ZNF761: variants seen among roughly 807,000 people sequenced by gnomAD.
The protein encoded by ZNF761 is zinc finger protein 761.
In ZNF761, 43 loss-of-function variants were observed where a neutral mutation model predicts 59.9. That is an observed-to-expected ratio of 0.72 (90% CI 0.56 to 0.92). The LOEUF (loss-of-function observed/expected upper bound fraction) is 0.92, where lower values mean the gene tolerates loss of function less well. ZNF761 is among the 40% of genes least tolerant of loss of function. ZNF761 has a pLI of 0.00. For synonymous variants in ZNF761, 294 were observed against 304.8 expected, an observed-to-expected ratio of 0.96 and a Z score of 0.37; for missense variants, 850 against 906.1, an observed-to-expected ratio of 0.94 and a Z score of 0.79.
At chr19:53,446,606 C>G (rs2086162530) in intron 2 of ZNF761, among the ~76,000 whole-genome samples, 1 of 152,016 alleles carries the variant, frequency 6.6e-6, no homozygotes, top group East Asian at 1.9e-4. Context: ...CTTCTGACCT[C>G]AAGTAATCCA....
At chr19:53,433,439 A>C in intron 1 of ZNF761, among the ~76,000 whole-genome samples, 2 of 146,382 alleles carry the variant, frequency 1.4e-5, no homozygotes, top group Admixed American at 6.8e-5. Context: ...TCTGGAGCCC[A>C]TTTCTTTGGC....
At chr19:53,444,515 C>A (rs1029715334) in intron 1 of ZNF761, 1 of 152,122 alleles carries the variant, frequency 6.6e-6, no homozygotes, top group Admixed American at 6.6e-5. Flanking sequence ...TCCTGCTGAC[C>A]CTCTCCCCAC....
intron 1 of ZNF761, among the ~76,000 whole-genome samples, chr19:53,434,307 A>G (rs10418185): frequency 0.025 from 3,818 of 152,020 alleles, 187 homozygotes; most frequent in African/African-American, 0.087. Context: ...CTTTAATTTT[A>G]TTGTAGACAG....
At chr19:53,440,997 G>T (rs1307101020) in intron 1 of ZNF761, among the ~76,000 whole-genome samples, 1 of 152,198 alleles carries the variant, frequency 6.6e-6, no homozygotes, top group Non-Finnish European at 1.5e-5. Context: ...TTTCAAAAGG[G>T]ATATCAAAAC....
chr19:53,454,946 C>A lies in ZNF761; in HGVS notation c.439C>A (p.His147Asn), dbSNP rs267605656. ...KDQLGSSFHSHLPEMHIFQTE... is the reference protein window; with the variant it reads ...KDQLGSSFHSNLPEMHIFQTE... ...TCAGCTTGGATCAAGCTTTCATTCGCATCTGCCTGAAATGCACATATTTCA... is the reference window on the plus strand; with the variant it reads ...TCAGCTTGGATCAAGCTTTCATTCGAATCTGCCTGAAATGCACATATTTCA... Residue 147 changes from histidine to asparagine, a missense_variant, in exon 5 of 5, where the codon CAT becomes AAT. Coordinates refer to ENST00000684525, the MANE Select transcript of ZNF761 (RefSeq NM_001289951.2). 1.2e-6 allele frequency: 2 copies of A among 1,614,034 alleles called. No homozygotes were observed. The highest frequency in any genetic ancestry group is 2.7e-5 in the African/African-American group (2 of 74,910).
In ZNF761 at chr19:53,454,674, A is replaced by G. The variant is rs763232497; in HGVS notation, c.167A>G (p.Lys56Arg). 45 of 1,602,240 alleles carry G rather than the reference A, an allele frequency of 2.8e-5. 1 individual carries two copies. The highest frequency in any genetic ancestry group is 3.7e-5 in the Non-Finnish European group (44 of 1,173,508). Reference sequence around the variant, plus strand: ...GATATCTCTTCCAAATGCACGATGAAGGAGTTCTTGTCAACAGCGCAAGGC... The same window carrying G: ...GATATCTCTTCCAAATGCACGATGAGGGAGTTCTTGTCAACAGCGCAAGGC... ...SLDISSKCTM[K>R]EFLSTAQGNR... Residue 56 changes from lysine to arginine, a missense_variant, in exon 5 of 5, where the codon AAG becomes AGG. Lys to Arg is a conservative substitution (Grantham distance 26). Transcript: ENST00000684525.
chr19:53,448,379 C>G (rs1229451659), intron 3 of ZNF761, among the ~76,000 whole-genome samples: 3 of 152,108 alleles, frequency 2.0e-5, no homozygotes, highest in African/African-American at 7.2e-5. Context: ...GGTAAAACTC[C>G]AAGCAAAGCT....
In ZNF761 at chr19:53,458,221, G is replaced by C. The variant is rs151088995; in HGVS notation, c.*1473G>C. ...TGTGATTTTCTACACAGAAGATTATGTCATCTACAAACAAATATAATTTTA... is the reference window on the plus strand; with the variant it reads ...TGTGATTTTCTACACAGAAGATTATCTCATCTACAAACAAATATAATTTTA... On this transcript the variant is annotated 3_prime_UTR_variant, in exon 5 of 5. Transcript: ENST00000684525. 0.012 allele frequency: 2,091 copies of C among 168,822 alleles called. 16 individuals are homozygous for C. Among genetic ancestry groups the C allele is most frequent in the African/African-American group, 0.023 (961 of 41,730 alleles). 10.5% of individuals were successfully genotyped at this position (168,822 alleles called of 1,614,324 possible).
Position 53,451,445 on chromosome 19 carries a change from C to T in ZNF761, c.142+1807C>T, listed in dbSNP as rs143251149. On this transcript the variant is annotated intron_variant, in intron 4 of 4. Coordinates refer to ENST00000684525, the MANE Select transcript of ZNF761 (RefSeq NM_001289951.2). ...GCAGGTCAGAAACCCCTGCCCTCAA[C>T]TGATCCACCAACCTCGGCCTCCTAA... 3.2e-3 allele frequency among the ~76,000 whole-genome samples: 488 copies of T among 152,316 alleles called. 2 individuals carry two copies. Among genetic ancestry groups the T allele is most frequent in the Middle Eastern group, 6.8e-3 (2 of 294 alleles).
At chr19:53,454,626 G>A in intron 4 of ZNF761, 24 bp from the exon 5 acceptor site, 1 of 1,549,636 alleles carries the variant, frequency 6.5e-7, no homozygotes, top group Non-Finnish European at 8.7e-7. Flanking sequence ...TAATTTGAAA[G>A]CTTTCGGTGT....
chr19:53,442,115 G>C, intron 1 of ZNF761: 1 of 1,048,776 alleles, frequency 9.5e-7, no homozygotes, highest in South Asian at 1.3e-5. Context: ...AAAAGCTGCT[G>C]ATGAGAGTGA....
chr19:53,433,661 G>A (rs545094121), intron 1 of ZNF761, among the ~76,000 whole-genome samples: 1 of 152,232 alleles, frequency 6.6e-6, no homozygotes, highest in East Asian at 1.9e-4. Context: ...AAGAGCACTG[G>A]CTGATATTTA....
rs150769300 is a variant in ZNF761, at chr19:53,455,709, G to T, written c.1202G>T (p.Arg401Leu). The change falls in exon 5 of 5, where the codon CGT (arginine) becomes CTT (leucine). Residue 401 changes from arginine to leucine, a missense_variant. By Grantham distance (102) the Arg-to-Leu change is moderately radical (BLOSUM62 -2). Transcript: ENST00000684525. ...FSHKSSLTCH[R>L]RLHTGEKPYK... is the part of the protein sequence containing the mutation. ...CACAAGTCATCCCTTACATGCCATC[G>T]TAGACTTCATACTGGAGAGAAACCT... The T allele has an allele frequency of 1.2e-6, 2 of 1,611,392 alleles. No individual in the cohort carries two copies. Among genetic ancestry groups the T allele is most frequent in the East Asian group, 2.2e-5 (1 of 44,784 alleles).
chr19:53,455,189 T>A lies in ZNF761; in HGVS notation c.682T>A (p.Ser228Thr), dbSNP rs1343235356. The A allele has an allele frequency of 6.2e-7, 1 of 1,614,098 alleles. No homozygotes were observed. Residue 228 changes from serine to threonine, a missense_variant, in exon 5 of 5, where the codon TCA (serine) becomes ACA (threonine). Transcript: ENST00000684525. Reference protein sequence around the residue: ...NESGKAFNYSSLLRKHQIIHL... With the variant: ...NESGKAFNYSTLLRKHQIIHL... ...GAGTGGCAAAGCCTTTAATTACAGC[T>A]CACTCTTAAGGAAACATCAGATAAT...
At chr19:53,452,280 C>T (rs758908237) in intron 4 of ZNF761, among the ~76,000 whole-genome samples, 12 of 152,212 alleles carry the variant, frequency 7.9e-5, no homozygotes, top group Admixed American at 2.0e-4. Context: ...TTCAGGAGTT[C>T]GAGGCCAGCC....
intron 1 of ZNF761, among the ~76,000 whole-genome samples, chr19:53,432,554 G>T (rs1008899533): frequency 6.6e-5 from 10 of 152,130 alleles, no homozygotes; most frequent in Non-Finnish European, 7.4e-5. Context: ...GGTGCCCGGG[G>T]CCTGTCCTGT....
chr19:53,438,601 T>C (rs1417662263), intron 1 of ZNF761, among the ~76,000 whole-genome samples: 4 of 152,204 alleles, frequency 2.6e-5, no homozygotes, highest in Non-Finnish European at 5.9e-5. Context: ...TGTGGCGTCA[T>C]ATAACAGCTT....
At chr19:53,441,491 G>A (rs1194879133) in intron 1 of ZNF761, among the ~76,000 whole-genome samples, 5 of 148,668 alleles carry the variant, frequency 3.4e-5, no homozygotes, top group Non-Finnish European at 5.9e-5. Flanking sequence ...CAGTCACCCA[G>A]GCTGGAGTGT....
intron 1 of ZNF761, among the ~76,000 whole-genome samples, chr19:53,439,367 G>A (rs535214128): frequency 2.0e-5 from 3 of 151,932 alleles, no homozygotes; most frequent in Admixed American, 1.3e-4. Flanking sequence ...GTGCACTGGC[G>A]TGGTCTCGGC....
Sources: allele counts gnomAD v4.1 joint callset (sites outside exome capture counted in the v4.1 genomes callset), GRCh38; gene constraint gnomAD v4.1.1; transcripts MANE v1.5; gene names NCBI Gene and HGNC (gene_info 2026-07-23, HGNC 2026-07-21).